Variants in PKD1L3 observed in about 807,000 individuals in gnomAD.
PKD1L3 encodes the protein polycystin-1-like protein 3.
PKD1L3 carries 239 observed loss-of-function variants against 184.1 expected under a neutral mutation model. That is an observed-to-expected ratio of 1.30 (90% CI 1.17 to 1.45). The LOEUF (loss-of-function observed/expected upper bound fraction) is 1.45, where lower values mean the gene tolerates loss of function less well. Among genes scored for constraint, PKD1L3 ranks in the 40% most tolerant of loss-of-function variants. The probability of loss-of-function intolerance (pLI) is 0.00; values close to 1 mark genes in which losing one functional copy is unlikely to be tolerated. For missense variants in PKD1L3, 2,660 were observed against 2,067.2 expected, an observed-to-expected ratio of 1.29 and a Z score of -5.56; for synonymous variants, 996 against 778.8, an observed-to-expected ratio of 1.28 and a Z score of -4.64.
chr16:71,967,230 C>A lies in PKD1L3; in HGVS notation c.2372G>T (p.Gly791Val), dbSNP rs1287768765. ...AGTGGTGAGAAGGAAGACATCCAGG[C>A]CCCCTCGTTCAAAGACTGTCTTCTG... ...DPQKTVFERGGLDVFLLTTWT... is the reference protein window; with the variant it reads ...DPQKTVFERGVLDVFLLTTWT... Residue 791 changes from glycine to valine, a missense_variant, in exon 15 of 30, where the codon GGC (glycine) becomes GTC (valine). Coordinates refer to ENST00000620267, the MANE Select transcript of PKD1L3 (RefSeq NM_181536.2). 1 of 1,551,558 alleles carries A rather than the reference C, an allele frequency of 6.4e-7. No homozygotes were observed. The highest frequency in any genetic ancestry group is 2.4e-5 in the East Asian group (1 of 40,916).
At chr16:71,971,416 C>T (rs932692325) in intron 12 of PKD1L3, among the ~76,000 whole-genome samples, 23 of 152,156 alleles carry the variant, frequency 1.5e-4, no homozygotes, top group Non-Finnish European at 3.4e-4. Context: ...GTCATTATGA[C>T]TACTTCTTTC....
rs1392087828 is a variant in PKD1L3, at chr16:71,978,319, C to G, written c.1463G>C (p.Gly488Ala). 10 of 1,550,700 alleles carry G rather than the reference C, an allele frequency of 6.4e-6. No individual in the cohort carries two copies. Among genetic ancestry groups the G allele is most frequent in the Non-Finnish European group, 1.7e-6 (2 of 1,146,484 alleles). ...LDNRNIVGSI[G>A]SVLLSANRKL... is the part of the protein sequence containing the mutation. ...ACGATTAGCGCTTAGTAACACACTT[C>G]CAATGCTTCCAACAATGTTTCTGTT... Residue 488 changes from glycine (G) to alanine (A), a missense_variant, in exon 10 of 30, where the codon GGA becomes GCA. Gly to Ala is a moderately conservative substitution (Grantham distance 60, BLOSUM62 0). Transcript: ENST00000620267.
chr16:71,991,698 A>C (rs753451315), intron 3 of PKD1L3, among the ~76,000 whole-genome samples: 10 of 152,260 alleles, frequency 6.6e-5, no homozygotes, highest in Non-Finnish European at 1.3e-4. Flanking sequence ...AACAAATGAA[A>C]TAGAAGTGAT....
intron 6 of PKD1L3, 73 bp from the exon 7 acceptor site, chr16:71,982,308 A>G (rs1306538439): frequency 7.7e-6 from 9 of 1,173,236 alleles, no homozygotes; most frequent in Non-Finnish European, 9.0e-6. Flanking sequence ...TTTTGGTGAC[A>G]GAGTTTCACT....
chr16:71,950,688 A>G (rs947902141), intron 19 of PKD1L3, among the ~76,000 whole-genome samples: 1 of 152,064 alleles, frequency 6.6e-6, no homozygotes, highest in South Asian at 2.1e-4. Flanking sequence ...TTGACAAAGC[A>G]GAAAGGATAT....
At chr16:71,991,067 A>T (rs891062926) in intron 3 of PKD1L3, 2 of 153,374 alleles carry the variant, frequency 1.3e-5, no homozygotes, top group Non-Finnish European at 2.9e-5. Context: ...TTTCAGCTTG[A>T]AAAGGTAAGA....
rs754123492 is a variant in PKD1L3 at position 71,952,997 on chromosome 16, G to A, written c.2906C>T (p.Pro969Leu). 8.4e-6 allele frequency: 13 copies of A among 1,549,176 alleles called. No individual in the cohort carries two copies. The East Asian group carries it at 1.2e-4, about 15-fold the overall frequency. ...CAGAGTCTCCTGTGGCTCAATCAAC[G>A]GGAAGAGCCGCCCTATGACAAGATT... ...PINLVIGRLFPLIEPQETLPL... is the reference protein window; with the variant it reads ...PINLVIGRLFLLIEPQETLPL... The change falls in exon 18 of 30, where the codon CCG (proline) becomes CTG (leucine). Residue 969 changes from proline (P) to leucine (L), a missense_variant. Coordinates refer to ENST00000620267, the MANE Select transcript of PKD1L3 (RefSeq NM_181536.2).
chr16:71,962,600 C>G (rs924494671), intron 16 of PKD1L3, among the ~76,000 whole-genome samples: 1 of 152,112 alleles, frequency 6.6e-6, no homozygotes, highest in African/African-American at 2.4e-5. Flanking sequence ...AGTTCTCCTA[C>G]CTTAGCCTCC....
chr16:71,985,521 C>A (rs1380450812), intron 5 of PKD1L3, among the ~76,000 whole-genome samples: 1 of 152,152 alleles, frequency 6.6e-6, no homozygotes, highest in African/African-American at 2.4e-5. Context: ...CAGGCTCAAG[C>A]AACCCTCCCA....
chr16:71,945,424 T>TTATTTATA (rs1368437996), intron 22 of PKD1L3, among the ~76,000 whole-genome samples: 1 of 145,326 alleles, frequency 6.9e-6, no homozygotes, highest in African/African-American at 2.5e-5. Context: ...ATTTATTTAT[T>TTATTTATA]TATATATGTA....
At chr16:71,934,742 A>G (rs1360418179) in intron 26 of PKD1L3, among the ~76,000 whole-genome samples, 1 of 152,246 alleles carries the variant, frequency 6.6e-6, no homozygotes, top group African/African-American at 2.4e-5. Flanking sequence ...ATCCGCTGTC[A>G]CTGCATAAAC....
At position 71,969,890 on chromosome 16, in the gene PKD1L3, T is replaced by C. The variant is rs977615612; in HGVS notation, c.2169A>G (p.Gln723=). Residue 723 remains glutamine (Q), a synonymous_variant, in exon 13 of 30, where the codon CAA becomes CAG. Transcript: ENST00000620267. The part of the protein sequence containing the change: ...ITVVWARKKD[Q]ADMQKVKVTV... ...GTCTCATTACCTTCTGCATATCTGCTTGATCCTTTTTCCGAGCCCACACAA... is the reference window on the plus strand; with the variant it reads ...GTCTCATTACCTTCTGCATATCTGCCTGATCCTTTTTCCGAGCCCACACAA... 3.2e-6 allele frequency: 5 copies of C among 1,550,006 alleles called. No individual in the cohort carries two copies. In the African/African-American group the frequency reaches 4.1e-5, roughly 13 times the overall value.
chr16:71,991,648 T>C (rs375466791), intron 3 of PKD1L3, among the ~76,000 whole-genome samples: 18 of 152,292 alleles, frequency 1.2e-4, no homozygotes, highest in African/African-American at 4.1e-4. Context: ...AGCAGCAATA[T>C]GGCACGTAGA....
intron 10 of PKD1L3, among the ~76,000 whole-genome samples, chr16:71,977,915 C>G (rs1292134859): frequency 6.6e-6 from 1 of 152,114 alleles, no homozygotes. Flanking sequence ...GCTGGGATAA[C>G]AGCCACCCAC....
At chr16:71,977,562 T>TCA in intron 10 of PKD1L3, 95 bp from the exon 11 acceptor site, 3 of 630,240 alleles carry the variant, frequency 4.8e-6, no homozygotes, top group Non-Finnish European at 4.8e-6. Flanking sequence ...TCCTAGCTCT[T>TCA]TTTTTTTTTT....
intron 4 of PKD1L3, among the ~76,000 whole-genome samples, chr16:71,988,867 G>C (rs578165642): frequency 6.6e-6 from 1 of 152,328 alleles, no homozygotes; most frequent in East Asian, 1.9e-4. Flanking sequence ...GTGAAATTAT[G>C]TGGGGAGGCT....
At chr16:71,948,803 T>TAAAAAAAAAAAAAAAA (rs57129483) in intron 21 of PKD1L3, among the ~76,000 whole-genome samples, 3 of 81,202 alleles carry the variant, frequency 3.7e-5, no homozygotes, top group African/African-American at 4.7e-5. Flanking sequence ...TTACATATAG[T>TAAAAAAAAAAAAAAAA]AAAAAAAAAA....
At chr16:71,937,611 A>G (rs1344950605) in intron 24 of PKD1L3, among the ~76,000 whole-genome samples, 192 bp from the exon 25 acceptor site, 1 of 152,180 alleles carries the variant, frequency 6.6e-6, no homozygotes, top group Non-Finnish European at 1.5e-5. Flanking sequence ...CTATTGGAGA[A>G]ATACTGGTTT....
intron 5 of PKD1L3, 134 bp from the exon 6 acceptor site, chr16:71,984,301 T>A: frequency 2.4e-6 from 2 of 817,290 alleles, no homozygotes; most frequent in Non-Finnish European, 3.6e-6. Flanking sequence ...TCTAAAACAG[T>A]GATTACTTTC....
Sources: gnomAD v4.1 joint callset for allele counts (sites outside exome capture counted in the v4.1 genomes callset) on GRCh38, gnomAD v4.1.1 for gene constraint, MANE v1.5 for transcripts, NCBI Gene and HGNC (gene_info 2026-07-23, HGNC 2026-07-21) for gene names.